The following CLPB variants were observed in gnomAD, a reference collection of about 807,000 sequenced individuals.
CLPB encodes ClpB family mitochondrial disaggregase.
In CLPB, 40 loss-of-function variants were observed where a neutral mutation model predicts 78.4. That is an observed-to-expected ratio of 0.51 (90% CI 0.40 to 0.66). The LOEUF (loss-of-function observed/expected upper bound fraction) is 0.66, where lower values mean the gene tolerates loss of function less well. Among genes scored for constraint, CLPB ranks in the 30% least tolerant of loss-of-function variants. The pLI is 0.00. For missense variants in CLPB, 780 were observed against 886.9 expected, an observed-to-expected ratio of 0.88 and a Z score of 1.53; for synonymous variants, 333 against 348.0, an observed-to-expected ratio of 0.96 and a Z score of 0.48.
chr11:72,398,135 G>A (rs1855461820), intron 3 of CLPB, among the ~76,000 whole-genome samples: 1 of 152,186 alleles, frequency 6.6e-6, no homozygotes, highest in South Asian at 2.1e-4. Context: ...TCCATTGCTG[G>A]CCATTGTTCA....
chr11:72,385,398 G>A (rs747497935), intron 3 of CLPB, among the ~76,000 whole-genome samples: 2 of 152,082 alleles, frequency 1.3e-5, no homozygotes, highest in Non-Finnish European at 2.9e-5. Context: ...AGAAGAAAAC[G>A]TCTTAGAACA....
In CLPB at chr11:72,422,360, G is replaced by T. The variant is rs114868754; in HGVS notation, c.455+7952C>A. Among the ~76,000 whole-genome samples, 376 of 152,050 alleles carry T rather than the reference G, an allele frequency of 2.5e-3. 4 individuals are homozygous for T. Among genetic ancestry groups the T allele is most frequent in the African/African-American group, 8.6e-3 (357 of 41,454 alleles). ...CAATACTTGGAAGCTAAGACTTAGG[G>T]TAGGTCAGTGACTTATTAATGGTCA... On this transcript the variant is annotated intron_variant, in intron 2 of 15. Transcript: ENST00000538039.
intron 5 of CLPB, among the ~76,000 whole-genome samples, chr11:72,346,815 TAAAAATAC>T (rs1307982097): frequency 6.6e-6 from 1 of 151,346 alleles, no homozygotes; most frequent in Non-Finnish European, 1.5e-5. Flanking sequence ...CCGTCTCTGA[TAAAAATAC>T]AAAAAAATTT....
rs1447861369 is a variant in CLPB at position 72,286,129 on chromosome 11, G to T, written c.*7238C>A. On this transcript the variant is annotated 3_prime_UTR_variant, in exon 16 of 16. Coordinates refer to ENST00000538039, the MANE Select transcript of CLPB (RefSeq NM_001258392.3). ...TGCAGAGATGGGGTTTCACCATGTT[G>T]CTCAGGCTGGTCTTGAACTCCTGGG... 6.6e-6 allele frequency: 1 copy of T among 150,644 alleles called. No individual in the cohort carries two copies. Among genetic ancestry groups the T allele is most frequent in the African/African-American group, 2.4e-5 (1 of 40,962 alleles). 9.3% of individuals were successfully genotyped at this position (150,644 alleles called of 1,614,324 possible). A position where few individuals can be genotyped will look rare whatever the true frequency, so the allele number is the denominator to read the frequency against.
chr11:72,409,310 A>G (rs1443769398), intron 2 of CLPB, among the ~76,000 whole-genome samples: 6 of 152,070 alleles, frequency 3.9e-5, no homozygotes, highest in Non-Finnish European at 5.9e-5. Flanking sequence ...GAAGCCACGC[A>G]TGGTGGCTCA....
rs779343455 is a variant in CLPB at position 72,373,190 on chromosome 11, TGAG to T, written c.646+7088_646+7090del. 4.1e-4 allele frequency among the ~76,000 whole-genome samples: 63 copies of T among 152,304 alleles called. 1 individual carries two copies. The Middle Eastern group carries it at 0.014, about 33-fold the overall frequency. Reference sequence around the variant, plus strand: ...TCTTTATTCAGCTGCCACTTGGAGCTGAGAAGAGAGGCTGATTTATAGCCTGCT... The same window carrying T: ...TCTTTATTCAGCTGCCACTTGGAGCTAAGAGAGGCTGATTTATAGCCTGCT... On this transcript the variant is annotated intron_variant, in intron 4 of 15. Transcript: ENST00000538039.
chr11:72,321,642 A>G (rs1011758931), intron 6 of CLPB, among the ~76,000 whole-genome samples: 18 of 152,172 alleles, frequency 1.2e-4, no homozygotes, highest in Admixed American at 6.5e-5. Context: ...CTCAGGGCAG[A>G]GGTCTGACAG....
At chr11:72,340,380 G>A (rs977181632) in intron 5 of CLPB, among the ~76,000 whole-genome samples, 1 of 152,126 alleles carries the variant, frequency 6.6e-6, no homozygotes, top group African/African-American at 2.4e-5. Flanking sequence ...AATTTACAGT[G>A]GAACAGGAGG....
chr11:72,400,502 G>A lies in CLPB; in HGVS notation c.542+2464C>T, dbSNP rs141302701. ...CCAAAAGCATATCTACTAGCCATCT[G>A]ATCACTAATTGACAGTATTTTTAAG... On this transcript the variant is annotated intron_variant, in intron 3 of 15. Transcript: ENST00000538039. Among the ~76,000 whole-genome samples the A allele has an allele frequency of 1.3e-3, 202 of 152,300 alleles. 1 individual carries two copies. The highest frequency in any genetic ancestry group is 4.8e-3 in the African/African-American group (200 of 41,558).
intron 3 of CLPB, among the ~76,000 whole-genome samples, chr11:72,399,365 C>A (rs937662855): frequency 6.6e-6 from 1 of 152,036 alleles, no homozygotes; most frequent in Non-Finnish European, 1.5e-5. Context: ...TTTCCTTTAA[C>A]CAATATGATT....
At chr11:72,304,434 T>C (rs1172423127) in intron 9 of CLPB, among the ~76,000 whole-genome samples, 1 of 152,206 alleles carries the variant, frequency 6.6e-6, no homozygotes, top group Non-Finnish European at 1.5e-5. Flanking sequence ...TGGACTCAGA[T>C]AGTTGTTCTT....
At chr11:72,308,857 C>T (rs1044608659) in intron 7 of CLPB, among the ~76,000 whole-genome samples, 3 of 151,968 alleles carry the variant, frequency 2.0e-5, no homozygotes, top group East Asian at 1.9e-4. Flanking sequence ...GAGCACTCAG[C>T]GTTGCTAGGG....
At chr11:72,409,661 G>C (rs943310007) in intron 2 of CLPB, among the ~76,000 whole-genome samples, 2 of 151,826 alleles carry the variant, frequency 1.3e-5, no homozygotes, top group Admixed American at 6.6e-5. Context: ...AGAAAAATCA[G>C]CAGCAAAGAT....
intron 11 of CLPB, among the ~76,000 whole-genome samples, chr11:72,299,621 A>G (rs544213619): frequency 7.9e-5 from 12 of 152,328 alleles, no homozygotes; most frequent in African/African-American, 2.4e-4. Context: ...TTTGCTAACT[A>G]CTGTTGAATT....
At chr11:72,428,011 G>C (rs1856437490) in intron 2 of CLPB, among the ~76,000 whole-genome samples, 1 of 152,164 alleles carries the variant, frequency 6.6e-6, no homozygotes, top group African/African-American at 2.4e-5. Flanking sequence ...TTCTAGCAAG[G>C]ATGGTCAGGC....
chr11:72,430,607 G>C (rs1237815163), intron 1 of CLPB: 4 of 511,006 alleles, frequency 7.8e-6, no homozygotes, highest in Admixed American at 7.2e-5. Context: ...ATCATAGAGG[G>C]AATGCAGGTC....
intron 6 of CLPB, 88 bp from the exon 7 acceptor site, chr11:72,317,308 G>A (rs1949964761): frequency 2.0e-6 from 2 of 982,884 alleles, no homozygotes; most frequent in African/African-American, 1.6e-5. Context: ...GAAAACACAG[G>A]TCTGGGTATC....
chr11:72,306,740 A>G (rs902811764), intron 9 of CLPB, among the ~76,000 whole-genome samples: 4 of 152,212 alleles, frequency 2.6e-5, no homozygotes, highest in Non-Finnish European at 5.9e-5. Context: ...GTTTTCTCCT[A>G]CAGCCCCCAA....
At chr11:72,433,325 C>CA (rs1856601065) in intron 1 of CLPB, among the ~76,000 whole-genome samples, 1 of 152,046 alleles carries the variant, frequency 6.6e-6, no homozygotes. Flanking sequence ...TTTGGGAGGC[C>CA]AAGGCGGGTG....
Sources: allele counts gnomAD v4.1 joint callset (sites outside exome capture counted in the v4.1 genomes callset), GRCh38; gene constraint gnomAD v4.1.1; transcripts MANE v1.5; gene names NCBI Gene and HGNC (gene_info 2026-07-23, HGNC 2026-07-21).